The following KCNMA1 variants were observed in gnomAD, a reference collection of about 807,000 sequenced individuals.
The protein encoded by KCNMA1 is potassium calcium-activated channel subfamily M alpha 1.
In KCNMA1, 29 loss-of-function variants were observed where a neutral mutation model predicts 140.0. The observed-to-expected ratio is 0.21, with a 90% CI of 0.15 to 0.28. The LOEUF (loss-of-function observed/expected upper bound fraction) is 0.28. Among genes scored for constraint, KCNMA1 ranks in the 10% least tolerant of loss-of-function variants. The pLI is 1.00. For missense variants in KCNMA1, 880 were observed against 1,602.2 expected, an observed-to-expected ratio of 0.55 and a Z score of 7.70; for synonymous variants, 612 against 611.9, an observed-to-expected ratio of 1.00 and a Z score of 0.00.
chr10:77,294,525 A>G (rs2154317643), intron 2 of KCNMA1, among the ~76,000 whole-genome samples: 1 of 152,376 alleles, frequency 6.6e-6, no homozygotes, highest in East Asian at 1.9e-4. Flanking sequence ...TGCCATTCAT[A>G]GGAGTTTACC....
chr10:77,345,821 C>T (rs1253953048), intron 2 of KCNMA1, among the ~76,000 whole-genome samples: 1 of 152,174 alleles, frequency 6.6e-6, no homozygotes, highest in Admixed American at 6.5e-5. Context: ...TTGAACAATG[C>T]CTGGGACACA....
In KCNMA1 at chr10:76,909,817, T is replaced by C. The variant is rs16934014; in HGVS notation, c.3147+149A>G. The C allele has an allele frequency of 0.058, 45,806 of 787,188 alleles. 1,696 individuals are homozygous for C. Among genetic ancestry groups the C allele is most frequent in the Middle Eastern group, 0.11 (315 of 2,788 alleles). The allele number at this position is 787,188 out of a possible 1,614,324, so 48.8% of individuals were successfully genotyped here. ...AACATTTACTTGTGTGATGGTTTTATAATGTGGGTCTCCCCTTCTAAGGTG... is the reference window on the plus strand; with the variant it reads ...AACATTTACTTGTGTGATGGTTTTACAATGTGGGTCTCCCCTTCTAAGGTG... On this transcript the variant is annotated intron_variant, in intron 25 of 27. Coordinates refer to ENST00000286628, the MANE Select transcript of KCNMA1 (RefSeq NM_001161352.2).
At chr10:76,998,146 C>G (rs2084992880) in intron 19 of KCNMA1, among the ~76,000 whole-genome samples, 1 of 152,158 alleles carries the variant, frequency 6.6e-6, no homozygotes, top group South Asian at 2.1e-4. Flanking sequence ...GCCACACCTC[C>G]ATAGAGGGGT....
intron 14 of KCNMA1, among the ~76,000 whole-genome samples, chr10:77,057,411 G>GT (rs1246149297): frequency 6.6e-6 from 1 of 152,070 alleles, no homozygotes; most frequent in African/African-American, 2.4e-5. Flanking sequence ...GCTAACATAA[G>GT]TTGGACAAAC....
At chr10:77,467,633 A>G (rs571616367) in intron 1 of KCNMA1, among the ~76,000 whole-genome samples, 36 of 152,318 alleles carry the variant, frequency 2.4e-4, no homozygotes, top group Admixed American at 2.0e-4. Context: ...GGGAAAGCCA[A>G]CTCGAGGTCA....
At chr10:77,519,323 T>C (rs2051911838) in intron 1 of KCNMA1, among the ~76,000 whole-genome samples, 1 of 152,178 alleles carries the variant, frequency 6.6e-6, no homozygotes, top group African/African-American at 2.4e-5. Context: ...CCACACACCA[T>C]CTCTATCCAG....
At chr10:77,134,882 C>A (rs2097954600) in intron 5 of KCNMA1, among the ~76,000 whole-genome samples, 1 of 150,664 alleles carries the variant, frequency 6.6e-6, no homozygotes, top group South Asian at 2.1e-4. Context: ...CCTGTAGTCC[C>A]AGCTACTCGG....
At chr10:76,948,959 T>C (rs2065254882) in intron 22 of KCNMA1, 183 bp downstream of exon 22, 3 of 662,414 alleles carry the variant, frequency 4.5e-6, no homozygotes, top group African/African-American at 1.8e-5. Flanking sequence ...AAATTCCTTT[T>C]AATAAGGTCT....
intron 2 of KCNMA1, among the ~76,000 whole-genome samples, chr10:77,396,828 CACAGATGTA>C (rs535909314): frequency 1.4e-4 from 21 of 152,320 alleles, no homozygotes; most frequent in African/African-American, 4.8e-4. Flanking sequence ...TGGAGCAATA[CACAGATGTA>C]ACAGCATAGG....
chr10:76,934,672 T>A (rs1220412112), intron 23 of KCNMA1, among the ~76,000 whole-genome samples: 1 of 152,194 alleles, frequency 6.6e-6, no homozygotes, highest in East Asian at 1.9e-4. Flanking sequence ...CAAACCAAAC[T>A]GACATGCAGG....
At position 77,547,882 on chromosome 10, in the gene KCNMA1, C is replaced by T. The variant is rs527284238; in HGVS notation, c.378+89383G>A. Among the ~76,000 whole-genome samples the T allele has an allele frequency of 5.3e-5, 8 of 152,290 alleles. No homozygotes were observed. In the South Asian group the frequency reaches 1.7e-3, roughly 32 times the overall value. On this transcript the variant is annotated intron_variant, in intron 1 of 27. Transcript: ENST00000286628. ...TTATAAATAAAGTTTTATTGGCACA[C>T]AGCCATGCTCATCTGTTCTGGGGTG...
rs981153913 is a variant in KCNMA1 at position 77,038,602 on chromosome 10, T to A, written c.1859+926A>T. On this transcript the variant is annotated intron_variant, in intron 15 of 27. Transcript: ENST00000286628. ...CTATCCAGGCTGGAATGCAGTTGCG[T>A]AATCAACCTCCTGGGCAGCCTCAAC... Among the ~76,000 whole-genome samples the A allele has an allele frequency of 4.6e-5, 7 of 152,302 alleles. No individual in the cohort carries two copies. In the East Asian group the frequency reaches 1.3e-3, roughly 29 times the overall value.
chr10:76,892,242 C>T (rs549997646), intron 25 of KCNMA1, among the ~76,000 whole-genome samples: 67 of 152,292 alleles, frequency 4.4e-4, no homozygotes, highest in African/African-American at 1.4e-3. Context: ...ACTCAGAAAT[C>T]TCGATCAATT....
intron 1 of KCNMA1, among the ~76,000 whole-genome samples, chr10:77,572,569 C>CTATCTATCTATATATATATATATAT (rs2071879711): frequency 2.7e-5 from 1 of 37,562 alleles, no homozygotes; most frequent in Admixed American, 4.7e-4. Context: ...AAAAAAAATC[C>CTATCTATCTATATATATATATATAT]ATATATATAT....
chr10:77,018,321 T>A (rs1474466271), intron 17 of KCNMA1, among the ~76,000 whole-genome samples: 1 of 152,218 alleles, frequency 6.6e-6, no homozygotes, highest in Non-Finnish European at 1.5e-5. Flanking sequence ...AACATTTGCA[T>A]CACATTTTCT....
At chr10:76,973,881 C>G (rs540327466) in intron 19 of KCNMA1, 1 of 152,222 alleles carries the variant, frequency 6.6e-6, no homozygotes, top group Non-Finnish European at 1.5e-5. Flanking sequence ...CAACTCCCAG[C>G]CTTCCCTAAT....
intron 9 of KCNMA1, among the ~76,000 whole-genome samples, chr10:77,106,795 T>C (rs1402135936): frequency 6.6e-6 from 1 of 152,198 alleles, no homozygotes; most frequent in African/African-American, 2.4e-5. Flanking sequence ...TGGGAATCTT[T>C]GGACTTACTT....
chr10:77,179,862 G>A (rs997971635), intron 5 of KCNMA1, among the ~76,000 whole-genome samples: 2 of 152,184 alleles, frequency 1.3e-5, no homozygotes, highest in African/African-American at 4.8e-5. Flanking sequence ...GCTTTCCAGA[G>A]TGCCCATCAC....
chr10:77,107,248 G>A (rs1461983744), intron 9 of KCNMA1, among the ~76,000 whole-genome samples: 1 of 152,052 alleles, frequency 6.6e-6, no homozygotes. Flanking sequence ...GAACGAGAAG[G>A]GAAAACAAAA....
Sources: allele counts gnomAD v4.1 joint callset (sites outside exome capture counted in the v4.1 genomes callset), GRCh38; gene constraint gnomAD v4.1.1; transcripts MANE v1.5; gene names NCBI Gene and HGNC (gene_info 2026-07-23, HGNC 2026-07-21).